Variants in GEMIN5 observed in about 807,000 individuals in gnomAD.
The protein encoded by GEMIN5 is gem-associated protein 5.
Under a neutral mutation model 176.9 loss-of-function variants are expected in GEMIN5, and 124 were observed. The observed-to-expected ratio is 0.70, with a 90% CI of 0.61 to 0.81. The LOEUF (loss-of-function observed/expected upper bound fraction) is 0.81, where lower values mean the gene tolerates loss of function less well. GEMIN5 is among the 40% of genes least tolerant of loss of function. GEMIN5 has a pLI of 0.00. For synonymous variants in GEMIN5, 673 were observed against 665.2 expected, an observed-to-expected ratio of 1.01 and a Z score of -0.18; for missense variants, 1,843 against 1,814.6, an observed-to-expected ratio of 1.02 and a Z score of -0.28.
At chr5:154,891,145 TCA>T (rs1328097239) in intron 26 of GEMIN5, 94 bp downstream of exon 26, 30 of 1,176,962 alleles carry the variant, frequency 2.5e-5, no homozygotes, top group Middle Eastern at 6.1e-4. Flanking sequence ...TCCTCCTGCT[TCA>T]GCCTCCCAAA....
chr5:154,908,124 C>CCTACTCCA (rs1179511641), intron 15 of GEMIN5, among the ~76,000 whole-genome samples: 37 of 150,802 alleles, frequency 2.5e-4, no homozygotes, highest in Non-Finnish European at 4.9e-4. Flanking sequence ...ACTACTGCCA[C>CCTACTCCA]CTACTCCATA....
intron 10 of GEMIN5, 129 bp from the exon 11 acceptor site, chr5:154,920,232 C>T (rs891018334): frequency 1.7e-6 from 1 of 597,818 alleles, no homozygotes; most frequent in Non-Finnish European, 2.7e-6. Flanking sequence ...CATTCTAATA[C>T]ATTGGAATAA....
At chr5:154,909,133 A>AT (rs70981958) in intron 15 of GEMIN5, among the ~76,000 whole-genome samples, 32,158 of 100,048 alleles carry the variant, frequency 0.32, 6,103 homozygotes, top group East Asian at 0.79. Flanking sequence ...TAATTTTTGT[A>AT]TTTTTTTTTT....
At chr5:154,909,220 C>T (rs1414896237) in intron 15 of GEMIN5, among the ~76,000 whole-genome samples, 2 of 143,902 alleles carry the variant, frequency 1.4e-5, no homozygotes, top group South Asian at 4.3e-4. Context: ...GTGATCAGCT[C>T]GCCTCCCAAA....
Position 154,938,145 on chromosome 5 carries a change from G to A in GEMIN5, c.-12C>T, listed in dbSNP as rs769300237. 17 of 1,366,170 alleles carry A rather than the reference G, an allele frequency of 1.2e-5. No homozygotes were observed. The African/African-American group carries it at 2.1e-4, about 17-fold the overall frequency. The allele number at this position is 1,366,170 out of a possible 1,614,324, so 84.6% of individuals were successfully genotyped here. On this transcript the variant is annotated 5_prime_UTR_variant, in exon 1 of 28. The change creates a new upstream start codon in the 5' untranslated region. Transcript: ENST00000285873. ...GGCTCCTGCCCCATAACTACAAGCC[G>A]TCAGAGACAAGAGAAGCTGCCACAG... is the stretch of plus-strand genomic sequence containing the variant.
At chr5:154,910,045 C>T (rs1251356981) in intron 15 of GEMIN5, among the ~76,000 whole-genome samples, 1 of 151,488 alleles carries the variant, frequency 6.6e-6, no homozygotes, top group African/African-American at 2.4e-5. Flanking sequence ...TGCCTGGCTG[C>T]TTCTGCTTGG....
At chr5:154,897,987 C>T (rs1763386749) in intron 23 of GEMIN5, among the ~76,000 whole-genome samples, 1 of 151,070 alleles carries the variant, frequency 6.6e-6, no homozygotes, top group Non-Finnish European at 1.5e-5. Context: ...GCAACCTCCG[C>T]CTTCCGGGTT....
intron 3 of GEMIN5, among the ~76,000 whole-genome samples, chr5:154,934,053 T>C (rs757195362): frequency 1.3e-4 from 20 of 152,194 alleles, no homozygotes; most frequent in Non-Finnish European, 2.5e-4. Flanking sequence ...TCTTGCTCTG[T>C]CGCTCAGGCT....
chr5:154,919,909 G>T (rs920743733), intron 11 of GEMIN5, 58 bp downstream of exon 11: 3 of 1,477,406 alleles, frequency 2.0e-6, no homozygotes, highest in Admixed American at 1.9e-5. Flanking sequence ...TGCAAGATGG[G>T]AAACACAGAG....
At chr5:154,918,061 A>G in intron 11 of GEMIN5, 57 bp from the exon 12 acceptor site, 2 of 1,071,882 alleles carry the variant, frequency 1.9e-6, no homozygotes, top group Non-Finnish European at 2.9e-6. Flanking sequence ...ATCAGCAATG[A>G]CAGCATGAGA....
chr5:154,905,339 G>T (rs200204844), intron 17 of GEMIN5, 24 bp downstream of exon 17: 2 of 1,132,620 alleles, frequency 1.8e-6, no homozygotes, highest in Admixed American at 2.0e-5. Context: ...ACAAAATACT[G>T]TATTTTAATT....
intron 3 of GEMIN5, among the ~76,000 whole-genome samples, chr5:154,933,092 CCCTG>C (rs1764200049): frequency 1.3e-5 from 2 of 152,274 alleles, no homozygotes; most frequent in East Asian, 3.9e-4. Flanking sequence ...TAATCTACTA[CCCTG>C]CCTAAGAAAA....
intron 21 of GEMIN5, 58 bp downstream of exon 21, chr5:154,901,281 G>A: frequency 1.3e-6 from 2 of 1,486,070 alleles, no homozygotes; most frequent in Non-Finnish European, 1.9e-6. Context: ...CAATAGAGAA[G>A]TTTAGGTTAT....
intron 25 of GEMIN5, 27 bp downstream of exon 25, chr5:154,892,360 T>C (rs764828198): frequency 6.3e-7 from 1 of 1,590,622 alleles, no homozygotes; most frequent in Non-Finnish European, 8.6e-7. Context: ...TTAAAGGGTG[T>C]GCCTCAGGCA....
At position 154,896,085 on chromosome 5, in the gene GEMIN5, G is replaced by A; in HGVS notation, c.3597+7C>T. 1 of 1,612,778 alleles carries A rather than the reference G, an allele frequency of 6.2e-7. No homozygotes were observed. Among genetic ancestry groups the A allele is most frequent in the Non-Finnish European group, 8.5e-7 (1 of 1,179,532 alleles). ...ATTAATGTCAAATGCTGGTACAGAT[G>A]GCTTACCTGTTTGGCAGGTGTGTTA... On this transcript the variant is annotated splice_region_variant and intron_variant, in intron 24 of 27. Coordinates refer to ENST00000285873, the MANE Select transcript of GEMIN5 (RefSeq NM_015465.5).
intron 23 of GEMIN5, among the ~76,000 whole-genome samples, chr5:154,897,249 C>A (rs1382078928): frequency 6.6e-6 from 1 of 152,146 alleles, no homozygotes; most frequent in East Asian, 1.9e-4. Context: ...TCTAAATATT[C>A]AGCTAAAAAC....
intron 6 of GEMIN5, 67 bp from the exon 7 acceptor site, chr5:154,927,617 A>G: frequency 8.0e-7 from 1 of 1,244,408 alleles, no homozygotes; most frequent in Admixed American, 1.9e-5. Context: ...CTGTTGAGAC[A>G]GAGTCTGGGC....
At chr5:154,924,368 G>A in intron 9 of GEMIN5, 101 bp downstream of exon 9, 1 of 703,148 alleles carries the variant, frequency 1.4e-6, no homozygotes, top group Non-Finnish European at 2.5e-6. Flanking sequence ...AATTGAAAAG[G>A]CAACGTTATG....
Position 154,928,624 on chromosome 5 carries a change from T to G in GEMIN5, c.817A>C (p.Arg273=). 1 of 1,613,944 alleles carries G rather than the reference T, an allele frequency of 6.2e-7. No homozygotes were observed. Residue 273 remains arginine (R), a synonymous_variant, in exon 6 of 28, where the codon AGA becomes CGA. Coordinates refer to ENST00000285873, the MANE Select transcript of GEMIN5 (RefSeq NM_015465.5). ...ACAGTTGGGTCTATACCCCCTCCTC[T>G]TCTCTTCAGAAAGGGCAATTTCAAA... ...MILKLPFLKR[R]GGGIDPTVKE...
Sources: allele counts gnomAD v4.1 joint callset (sites outside exome capture counted in the v4.1 genomes callset), GRCh38; gene constraint gnomAD v4.1.1; transcripts MANE v1.5; gene names NCBI Gene and HGNC (gene_info 2026-07-23, HGNC 2026-07-21).